PCNX4: variants seen among roughly 807,000 people sequenced by gnomAD.
PCNX4 encodes the protein pecanex 4.
In PCNX4, 103 loss-of-function variants were observed where a neutral mutation model predicts 107.2. The observed-to-expected ratio is 0.96, with a 90% CI of 0.82 to 1.13. The LOEUF is 1.13. PCNX4 is among the 50% of genes most tolerant of loss of function. The pLI is 0.00. For synonymous variants in PCNX4, 541 were observed against 481.7 expected, an observed-to-expected ratio of 1.12 and a Z score of -1.61; for missense variants, 1,528 against 1,379.4, an observed-to-expected ratio of 1.11 and a Z score of -1.71.
In PCNX4 at chr14:60,134,584, A is replaced by G. The variant is rs1034322685; in HGVS notation, c.*363A>G. ...GTTAACAGCTATGTAATTTTTACAT[A>G]CTTAAGAGATAAACATATCAGTGTT... On this transcript the variant is annotated 3_prime_UTR_variant, in exon 11 of 11. Coordinates refer to ENST00000406854, the MANE Select transcript of PCNX4 (RefSeq NM_001330177.2). 2 of 201,566 alleles carry G rather than the reference A, an allele frequency of 9.9e-6. No homozygotes were observed. The highest frequency in any genetic ancestry group is 2.0e-5 in the Non-Finnish European group (2 of 98,946). The allele number at this position is 201,566 out of a possible 1,614,324, so 12.5% of individuals were successfully genotyped here.
chr14:60,102,311 T>C (rs1056210636), intron 1 of PCNX4, among the ~76,000 whole-genome samples: 14 of 112,256 alleles, frequency 1.2e-4, no homozygotes, highest in Admixed American at 6.5e-4. Context: ...AAAAATAATA[T>C]GATAGATTTA....
intron 1 of PCNX4, among the ~76,000 whole-genome samples, chr14:60,093,902 T>A (rs1309355826): frequency 6.6e-6 from 1 of 152,244 alleles, no homozygotes; most frequent in African/African-American, 2.4e-5. Flanking sequence ...TTTGAAATGG[T>A]ACCTCATTAT....
intron 6 of PCNX4, among the ~76,000 whole-genome samples, chr14:60,116,950 G>T (rs991434802): frequency 6.6e-6 from 1 of 151,862 alleles, no homozygotes; most frequent in African/African-American, 2.4e-5. Flanking sequence ...TTTTTAAATA[G>T]AAAAAAACTT....
rs1330370783 is a variant in PCNX4 at position 60,134,466 on chromosome 14, C to T, written c.*245C>T. 10 of 417,880 alleles carry T rather than the reference C, an allele frequency of 2.4e-5. No homozygotes were observed. The East Asian group carries it at 2.7e-4, about 11-fold the overall frequency. 25.9% of individuals were successfully genotyped at this position (417,880 alleles called of 1,614,324 possible). A position where few individuals can be genotyped will look rare whatever the true frequency, so the allele number is the denominator to read the frequency against. ...TTTGTGCCCTCTGGACTTTAGTAGG[C>T]TTTGGTAAATGTGAGAAAACTTTTG... is the stretch of plus-strand genomic sequence containing the variant. On this transcript the variant is annotated 3_prime_UTR_variant, in exon 11 of 11. Coordinates refer to ENST00000406854, the MANE Select transcript of PCNX4 (RefSeq NM_001330177.2).
intron 10 of PCNX4, among the ~76,000 whole-genome samples, chr14:60,131,612 A>G (rs962013891): frequency 6.6e-6 from 1 of 152,208 alleles, no homozygotes; most frequent in Admixed American, 6.5e-5. Flanking sequence ...TATTGTTAAG[A>G]TGGCAATACT....
chr14:60,099,834 C>A (rs1388655855), intron 1 of PCNX4, among the ~76,000 whole-genome samples: 1 of 152,054 alleles, frequency 6.6e-6, no homozygotes, highest in Non-Finnish European at 1.5e-5. Context: ...GAGGCTGAGG[C>A]AGGCAGATCT....
chr14:60,143,945 G>A lies in PCNX4; in HGVS notation c.*9724G>A, dbSNP rs1201454517. The A allele has an allele frequency of 6.6e-6, 1 of 152,208 alleles. No individual in the cohort carries two copies. The highest frequency in any genetic ancestry group is 1.5e-5 in the Non-Finnish European group (1 of 68,030). 9.4% of individuals were successfully genotyped at this position (152,208 alleles called of 1,614,324 possible). Reference sequence around the variant, plus strand: ...TAGTAGAAGTAAGGAGTTGCCAGTGGAATCTTCCTGAGCTGAATCTAATCA... The same window carrying A: ...TAGTAGAAGTAAGGAGTTGCCAGTGAAATCTTCCTGAGCTGAATCTAATCA... On this transcript the variant is annotated 3_prime_UTR_variant, in exon 11 of 11. Transcript: ENST00000406854.
chr14:60,098,699 G>A (rs1895473200), intron 1 of PCNX4, among the ~76,000 whole-genome samples: 1 of 152,136 alleles, frequency 6.6e-6, no homozygotes, highest in Non-Finnish European at 1.5e-5. Flanking sequence ...AGCACTTTGG[G>A]AGGATGAGGC....
At position 60,125,159 on chromosome 14, in the gene PCNX4, G is replaced by A; in HGVS notation, c.2988G>A (p.Leu996=). 6.2e-7 allele frequency: 1 copy of A among 1,612,492 alleles called. No homozygotes were observed. The highest frequency in any genetic ancestry group is 1.7e-5 in the Admixed American group (1 of 59,720). Residue 996 remains leucine, a synonymous_variant, in exon 9 of 11, where the codon TTG becomes TTA. Coordinates refer to ENST00000406854, the MANE Select transcript of PCNX4 (RefSeq NM_001330177.2). ...TGGCTCCTAGTCCTGGTCATATATTGAGAGTTTACGGTGGTGTTTTGCCTT... is the reference window on the plus strand; with the variant it reads ...TGGCTCCTAGTCCTGGTCATATATTAAGAGTTTACGGTGGTGTTTTGCCTT... ...DNMAPSPGHI[L]RVYGGVLPWS...
At position 60,114,964 on chromosome 14, in the gene PCNX4, T is replaced by G. The variant is rs775474942; in HGVS notation, c.870-10T>G. 6.4e-7 allele frequency: 1 copy of G among 1,567,304 alleles called. No individual in the cohort carries two copies. The highest frequency in any genetic ancestry group is 2.1e-5 in the Admixed American group (1 of 48,356). ...AAGTAAATATTTTTTTCTTTTTTTT[T>G]TCTGTACAGGTTATTAGTAATGTTC... On this transcript the variant is annotated splice_polypyrimidine_tract_variant and intron_variant, in intron 3 of 10. Coordinates refer to ENST00000406854, the MANE Select transcript of PCNX4 (RefSeq NM_001330177.2).
At chr14:60,127,244 C>G (rs913304268) in intron 10 of PCNX4, among the ~76,000 whole-genome samples, 1 of 152,124 alleles carries the variant, frequency 6.6e-6, no homozygotes, top group Non-Finnish European at 1.5e-5. Context: ...TGTAAACTGG[C>G]TAGATTTTTT....
intron 1 of PCNX4, among the ~76,000 whole-genome samples, chr14:60,093,311 C>G (rs546559112): frequency 6.6e-6 from 1 of 152,188 alleles, no homozygotes; most frequent in Admixed American, 6.5e-5. Flanking sequence ...TTTTCATCAC[C>G]CCAAAAAGAA....
At chr14:60,106,341 A>G (rs1220404980) in intron 1 of PCNX4, among the ~76,000 whole-genome samples, 1 of 152,172 alleles carries the variant, frequency 6.6e-6, no homozygotes, top group Non-Finnish European at 1.5e-5. Context: ...ACCTAATACT[A>G]TGTAAATGCT....
Position 60,135,378 on chromosome 14 carries a change from A to G in PCNX4, c.*1157A>G, listed in dbSNP as rs1406356104. The G allele has an allele frequency of 6.6e-6, 1 of 151,916 alleles. No homozygotes were observed. The highest frequency in any genetic ancestry group is 1.5e-5 in the Non-Finnish European group (1 of 67,962). The allele number at this position is 151,916 out of a possible 1,614,324, so 9.4% of individuals were successfully genotyped here. A position where few individuals can be genotyped will look rare whatever the true frequency, so the allele number is the denominator to read the frequency against. On this transcript the variant is annotated 3_prime_UTR_variant, in exon 11 of 11. Transcript: ENST00000406854. ...AATGAATTCAAGAGATTTGTATGTT[A>G]TTCTTTTTTTGGAGGTAATATAGTA... is the stretch of plus-strand genomic sequence containing the variant.
In PCNX4 at chr14:60,125,783, A is replaced by G. The variant is rs779343013; in HGVS notation, c.3227A>G (p.Glu1076Gly). Reference sequence around the variant, plus strand: ...AAGTGGAAGGAAGCAATTTTACAAGAAAAGCCATACTTGTTTTCTCTGGGG... The same window carrying G: ...AAGTGGAAGGAAGCAATTTTACAAGGAAAGCCATACTTGTTTTCTCTGGGG... ...DEKWKEAILQ[E>G]KPYLFSLGYD... is the part of the protein sequence containing the mutation. Residue 1076 changes from glutamate to glycine, a missense_variant, in exon 10 of 11, where the codon GAA becomes GGA. By Grantham distance (98) the Glu-to-Gly change is moderately conservative (BLOSUM62 -2). Coordinates refer to ENST00000406854, the MANE Select transcript of PCNX4 (RefSeq NM_001330177.2). The G allele has an allele frequency of 6.2e-7, 1 of 1,610,996 alleles. No individual in the cohort carries two copies. Among genetic ancestry groups the G allele is most frequent in the South Asian group, 1.1e-5 (1 of 90,366 alleles).
chr14:60,098,853 G>A (rs895946170), intron 1 of PCNX4, among the ~76,000 whole-genome samples: 11 of 151,720 alleles, frequency 7.3e-5, no homozygotes, highest in East Asian at 1.9e-4. Flanking sequence ...CAGGAGAATC[G>A]CTTGAACCCG....
At chr14:60,129,251 AAAG>A (rs1296017880) in intron 10 of PCNX4, among the ~76,000 whole-genome samples, 2 of 149,076 alleles carry the variant, frequency 1.3e-5, no homozygotes, top group East Asian at 4.1e-4. Context: ...AAAAAAAAAA[AAAG>A]AAGGATAACA....
At chr14:60,118,117 G>GTTT (rs112724029) in intron 6 of PCNX4, among the ~76,000 whole-genome samples, 5 of 141,118 alleles carry the variant, frequency 3.5e-5, no homozygotes, top group African/African-American at 1.3e-4. Flanking sequence ...TAGTGTTACT[G>GTTT]TTTTTTTTTT....
At position 60,121,226 on chromosome 14, in the gene PCNX4, G is replaced by C; in HGVS notation, c.1973G>C (p.Gly658Ala). The part of the protein sequence containing the change: ...GLLLPGSHYL[G>A]RFQDRLMWIM... ...CTCCTACCTGGATCTCATTACTTGG[G>C]CCGTTTTCAGGATCGTTTAATGTGG... The change falls in exon 8 of 11, where the codon GGC becomes GCC. Residue 658 changes from glycine to alanine, a missense_variant. Coordinates refer to ENST00000406854, the MANE Select transcript of PCNX4 (RefSeq NM_001330177.2). 1 of 1,606,922 alleles carries C rather than the reference G, an allele frequency of 6.2e-7. No homozygotes were observed.
Sources: gnomAD v4.1 joint callset for allele counts (sites outside exome capture counted in the v4.1 genomes callset) on GRCh38, gnomAD v4.1.1 for gene constraint, MANE v1.5 for transcripts, NCBI Gene and HGNC (gene_info 2026-07-23, HGNC 2026-07-21) for gene names.